The following PIK3C2B variants were observed in gnomAD, a reference collection of about 807,000 sequenced individuals.
PIK3C2B encodes the protein phosphatidylinositol-4-phosphate 3-kinase catalytic subunit type 2 beta.
Under a neutral mutation model 184.3 loss-of-function variants are expected in PIK3C2B, and 83 were observed. The ratio of observed to expected loss-of-function variants is 0.45; its 90% CI spans 0.38 to 0.54. PIK3C2B has a LOEUF of 0.54. Among genes scored for constraint, PIK3C2B ranks in the 20% least tolerant of loss-of-function variants. The pLI is 0.00. For synonymous variants in PIK3C2B, 779 were observed against 837.6 expected (o/e 0.93, Z 1.21); for missense variants, 1,736 against 2,113.5 (o/e 0.82, Z 3.50).
intron 1 of PIK3C2B, among the ~76,000 whole-genome samples, chr1:204,493,989 A>C (rs748024482): frequency 1.3e-5 from 2 of 152,120 alleles, no homozygotes; most frequent in Non-Finnish European, 2.9e-5. Context: ...TGCTTTTTTT[A>C]TTTCTTATCT....
In PIK3C2B at chr1:204,456,041, C is replaced by T. The variant is rs764214806; in HGVS notation, c.1758G>A (p.Val586=). ...CCAAGATGGCAGCGGTCAGGGCTTC[C>T]ACGACCTTCTCTGGGAAGGGAAGGG... The part of the protein sequence containing the change: ...LAVRENREKV[V]EALTAAILDL... Residue 586 remains valine (V), a synonymous_variant, in exon 11 of 33, where the codon GTG becomes GTA. Transcript: ENST00000684373. 1.2e-6 allele frequency: 2 copies of T among 1,612,728 alleles called. No homozygotes were observed. The highest frequency in any genetic ancestry group is 3.3e-5 in the Admixed American group (2 of 59,934).
intron 16 of PIK3C2B, among the ~76,000 whole-genome samples, chr1:204,445,156 T>A (rs1189099038): frequency 1.3e-5 from 2 of 150,228 alleles, no homozygotes; most frequent in Non-Finnish European, 2.9e-5. Context: ...ACTCAGCCAA[T>A]GTACAGGTAA....
chr1:204,481,442 A>G (rs1257658278), intron 1 of PIK3C2B, among the ~76,000 whole-genome samples: 1 of 151,944 alleles, frequency 6.6e-6, no homozygotes, highest in Non-Finnish European at 1.5e-5. Context: ...TATTTTTAGT[A>G]GACACGGGGT....
chr1:204,437,274 C>T (rs920730681), intron 23 of PIK3C2B, among the ~76,000 whole-genome samples: 2 of 152,062 alleles, frequency 1.3e-5, no homozygotes, highest in Non-Finnish European at 2.9e-5. Flanking sequence ...GTGGGTGGAT[C>T]ACCTGAGGTC....
At chr1:204,439,243 T>A (rs1188056012) in intron 22 of PIK3C2B, among the ~76,000 whole-genome samples, 172 bp from the exon 23 acceptor site, 1 of 152,220 alleles carries the variant, frequency 6.6e-6, no homozygotes. Context: ...CATTCCCACA[T>A]TTCCTATTCC....
chr1:204,454,465 AAGCGAGG>A (rs1654647999), intron 12 of PIK3C2B, 197 bp downstream of exon 12: 1 of 485,912 alleles, frequency 2.1e-6, no homozygotes, highest in Non-Finnish European at 3.6e-6. Flanking sequence ...TTGGGCAACA[AAGCGAGG>A]CTGCCTCTCA....
chr1:204,441,118 ATAT>A (rs1199644697), intron 21 of PIK3C2B, among the ~76,000 whole-genome samples: 8 of 152,206 alleles, frequency 5.3e-5, no homozygotes, highest in Non-Finnish European at 8.8e-5. Flanking sequence ...TGCACCTGAT[ATAT>A]TAATTTCCTC....
intron 1 of PIK3C2B, among the ~76,000 whole-genome samples, chr1:204,482,475 C>T (rs1032329624): frequency 2.0e-4 from 31 of 152,324 alleles, no homozygotes; most frequent in African/African-American, 7.5e-4. Context: ...AGAAACCCTA[C>T]TCAGGATGCA....
rs768133283 is a variant in PIK3C2B, at chr1:204,464,221, A to G, written c.1190-89T>C. 633 of 1,469,746 alleles carry G rather than the reference A, an allele frequency of 4.3e-4. 1 individual carries two copies. The highest frequency in any genetic ancestry group is 1.3e-3 in the Middle Eastern group (7 of 5,486). The allele number at this position is 1,469,746 out of a possible 1,614,324, so 91.0% of individuals were successfully genotyped here. On this transcript the variant is annotated intron_variant, in intron 4 of 32. Coordinates refer to ENST00000684373, the MANE Select transcript of PIK3C2B (RefSeq NM_001377334.1). ...CCCACCCTGATCCCCCTTTCCAGCT[A>G]AGTATTCTCCAGCACCATCACCAAC...
In PIK3C2B at chr1:204,469,434, C is replaced by G. The variant is rs753892124; in HGVS notation, c.369G>C (p.Leu123=). ...CAAAAATGTAGAGATAGTCTCCAGA[C>G]AGGGAGCCTTTGGGCCAGGGATCTG... is the stretch of plus-strand genomic sequence containing the variant. ...PGSDPWPKGS[L]SGDYLYIFDG... is the part of the protein sequence containing the mutation. Residue 123 remains leucine, a synonymous_variant, in exon 2 of 33, where the codon CTG becomes CTC. Coordinates refer to ENST00000684373, the MANE Select transcript of PIK3C2B (RefSeq NM_001377334.1). 2 of 1,569,204 alleles carry G rather than the reference C, an allele frequency of 1.3e-6. No homozygotes were observed. Among genetic ancestry groups the G allele is most frequent in the Non-Finnish European group, 1.7e-6 (2 of 1,162,492 alleles).
In PIK3C2B at chr1:204,460,616, C is replaced by T. The variant is rs1387348999; in HGVS notation, c.1356G>A (p.Lys452=). The stretch of plus-strand genomic sequence containing the variant: ...GCTGTAGCCGAATGTCAATGTCAAA[C>T]TTGCGGCAGTATTGGATGTACTCAT... ...GSHEYIQYCR[K]FDIDIRLQLM... The change falls in exon 6 of 33, where the codon AAG becomes AAA. Residue 452 remains lysine, a synonymous_variant. Coordinates refer to ENST00000684373, the MANE Select transcript of PIK3C2B (RefSeq NM_001377334.1). 5 of 1,614,014 alleles carry T rather than the reference C, an allele frequency of 3.1e-6. No individual in the cohort carries two copies. In the East Asian group the frequency reaches 1.1e-4, roughly 36 times the overall value.
In PIK3C2B at chr1:204,494,760, G is replaced by C. The variant is rs1288943546; in HGVS notation, c.-489C>G. ...GCGACGCTCGGCCAGACCCTGCCTG[G>C]ACAGGCAGGCACCCGGCCGCCGGCT... is the stretch of plus-strand genomic sequence containing the variant. On this transcript the variant is annotated 5_prime_UTR_variant, in exon 1 of 33. Transcript: ENST00000684373. 1.3e-5 allele frequency: 2 copies of C among 152,264 alleles called. No individual in the cohort carries two copies. The highest frequency in any genetic ancestry group is 1.3e-4 in the Admixed American group (2 of 15,294). The allele number at this position is 152,264 out of a possible 1,614,324, so 9.4% of individuals were successfully genotyped here.
intron 3 of PIK3C2B, 44 bp from the exon 4 acceptor site, chr1:204,464,648 A>G: frequency 6.3e-7 from 1 of 1,586,018 alleles, no homozygotes; most frequent in South Asian, 1.1e-5. Flanking sequence ...TTTAGAAGAG[A>G]GTAGTCAAGA....
At chr1:204,478,701 A>G (rs1468017064) in intron 1 of PIK3C2B, among the ~76,000 whole-genome samples, 1 of 152,188 alleles carries the variant, frequency 6.6e-6, no homozygotes, top group Non-Finnish European at 1.5e-5. Context: ...GCAGCCGCAC[A>G]TGGTCTGGCA....
chr1:204,475,267 G>T (rs1474441091), intron 1 of PIK3C2B, among the ~76,000 whole-genome samples: 1 of 152,116 alleles, frequency 6.6e-6, no homozygotes, highest in East Asian at 1.9e-4. Flanking sequence ...TCATGACCAC[G>T]TATGTGATAC....
Position 204,443,480 on chromosome 1 carries a change from C to G in PIK3C2B, c.2985G>C (p.Trp995Cys). The change falls in exon 19 of 33, where the codon TGG (tryptophan) becomes TGC (cysteine). Residue 995 changes from tryptophan (W) to cysteine (C), a missense_variant. Transcript: ENST00000684373. The stretch of plus-strand genomic sequence containing the variant: ...CCAGTTTGGCCAGGGCATTGACAAG[C>G]CAGCACTGGCGGTTAAACTCTTCTC... ...GLREEFNRQC[W>C]LVNALAKLAQ... 1 of 1,614,242 alleles carries G rather than the reference C, an allele frequency of 6.2e-7. No individual in the cohort carries two copies. Among genetic ancestry groups the G allele is most frequent in the Non-Finnish European group, 8.5e-7 (1 of 1,180,050 alleles).
At chr1:204,442,463 G>C (rs1041993850) in intron 20 of PIK3C2B, 63 bp downstream of exon 20, 3 of 1,078,696 alleles carry the variant, frequency 2.8e-6, no homozygotes, top group African/African-American at 3.1e-5. Flanking sequence ...TGCCTGGTTA[G>C]TGAAGACCTC....
At chr1:204,468,263 G>C (rs988825432) in intron 2 of PIK3C2B, among the ~76,000 whole-genome samples, 5 of 152,174 alleles carry the variant, frequency 3.3e-5, no homozygotes, top group African/African-American at 1.2e-4. Context: ...CAGGGAGAGA[G>C]AGAGAGAGAA....
chr1:204,449,829 T>A (rs1301531424), intron 13 of PIK3C2B, 21 bp downstream of exon 13: 1 of 1,582,246 alleles, frequency 6.3e-7, no homozygotes. Flanking sequence ...GCCAAGAAGC[T>A]GTACCCTGGG....
Sources: allele counts gnomAD v4.1 joint callset (sites outside exome capture counted in the v4.1 genomes callset), GRCh38; gene constraint gnomAD v4.1.1; transcripts MANE v1.5; gene names NCBI Gene and HGNC (gene_info 2026-07-23, HGNC 2026-07-21).